The following FRAS1 variants were observed in gnomAD, a reference collection of about 807,000 sequenced individuals.
FRAS1 encodes the protein extracellular matrix organizing protein FRAS1.
Under a neutral mutation model 435.2 loss-of-function variants are expected in FRAS1, and 290 were observed. That is an observed-to-expected ratio of 0.67 (90% CI 0.61 to 0.73). FRAS1 has a LOEUF of 0.73. Among genes scored for constraint, FRAS1 ranks in the 30% least tolerant of loss-of-function variants. The probability of loss-of-function intolerance (pLI) is 0.00; values close to 1 mark genes in which losing one functional copy is unlikely to be tolerated. For synonymous variants in FRAS1, 1,800 were observed against 1,851.0 expected, an observed-to-expected ratio of 0.97 and a Z score of 0.71; for missense variants, 4,860 against 5,001.5, an observed-to-expected ratio of 0.97 and a Z score of 0.85.
intron 20 of FRAS1, among the ~76,000 whole-genome samples, chr4:78,338,286 T>C (rs1730258081): frequency 6.6e-6 from 1 of 151,276 alleles, no homozygotes; most frequent in Non-Finnish European, 1.5e-5. Context: ...TTTTTCTTCC[T>C]CATTTTAGAA....
rs1366188369 is a variant in FRAS1 at position 78,511,297 on chromosome 4, C to T, written c.9804C>T (p.Ser3268=). ...AGGTCCTGGACAGCATTTACTTCAG[C>T]CGGAGGTTCCATGTGCGTTGTGTGG... The part of the protein sequence containing the change: ...NHMVLDSIYF[S]RRFHVRCVAK... Residue 3268 remains serine (S), a synonymous_variant, in exon 64 of 74, where the codon AGC becomes AGT. Coordinates refer to ENST00000512123, the MANE Select transcript of FRAS1 (RefSeq NM_025074.7). 1.2e-6 allele frequency: 2 copies of T among 1,602,728 alleles called. No homozygotes were observed. Among genetic ancestry groups the T allele is most frequent in the South Asian group, 2.2e-5 (2 of 90,382 alleles).
chr4:78,308,481 C>T (rs1728883153), intron 15 of FRAS1, among the ~76,000 whole-genome samples: 1 of 152,210 alleles, frequency 6.6e-6, no homozygotes, highest in Non-Finnish European at 1.5e-5. Flanking sequence ...CTGCTCAAGA[C>T]CCACAGCTGG....
At chr4:78,287,299 C>T (rs1231972193) in intron 14 of FRAS1, among the ~76,000 whole-genome samples, 1 of 152,102 alleles carries the variant, frequency 6.6e-6, no homozygotes, top group South Asian at 2.1e-4. Context: ...TCCCTCGACA[C>T]GTGGGGATTA....
At chr4:78,319,331 C>T (rs1560652164) in intron 18 of FRAS1, 3 of 467,268 alleles carry the variant, frequency 6.4e-6, no homozygotes, top group African/African-American at 4.0e-5. Flanking sequence ...TTCTAATTTG[C>T]TACTCTGAAT....
rs370206167 is a variant in FRAS1 at position 78,387,724 on chromosome 4, C to T, written c.3975+23C>T. On this transcript the variant is annotated intron_variant, in intron 29 of 73. Transcript: ENST00000512123. ...CAGGTAGGTGTCATTCCTAGAGTTACAGTTTCTTTGCACCTAGATGTGAAC... is the reference window on the plus strand; with the variant it reads ...CAGGTAGGTGTCATTCCTAGAGTTATAGTTTCTTTGCACCTAGATGTGAAC... The T allele has an allele frequency of 3.9e-5, 57 of 1,450,086 alleles. No individual in the cohort carries two copies. The African/African-American group carries it at 7.2e-4, about 18-fold the overall frequency. The allele number at this position is 1,450,086 out of a possible 1,614,324, so 89.8% of individuals were successfully genotyped here. A position where few individuals can be genotyped will look rare whatever the true frequency, so the allele number is the denominator to read the frequency against.
chr4:78,178,951 A>C (rs1044104942), intron 2 of FRAS1, among the ~76,000 whole-genome samples: 9 of 152,162 alleles, frequency 5.9e-5, no homozygotes, highest in Non-Finnish European at 1.0e-4. Context: ...GCTGATGCAC[A>C]GATGTTCGAG....
intron 23 of FRAS1, among the ~76,000 whole-genome samples, chr4:78,370,246 C>T (rs2110305054): frequency 6.6e-6 from 1 of 152,228 alleles, no homozygotes; most frequent in Admixed American, 6.5e-5. Context: ...AATTGTAAAT[C>T]CTCAGGTTAT....
intron 2 of FRAS1, among the ~76,000 whole-genome samples, chr4:78,120,509 A>G (rs2109962645): frequency 6.6e-6 from 1 of 152,288 alleles, no homozygotes; most frequent in South Asian, 2.1e-4. Context: ...AAGAAGTTGT[A>G]AGGAGGAGAA....
At chr4:78,515,323 C>CTTTTTTTTTTT (rs78491600) in intron 65 of FRAS1, among the ~76,000 whole-genome samples, 1 of 136,356 alleles carries the variant, frequency 7.3e-6, no homozygotes, top group African/African-American at 2.7e-5. Flanking sequence ...GGTATGCTGG[C>CTTTTTTTTTTT]TTTTTTTTTT....
chr4:78,341,552 T>A (rs1437017108), intron 20 of FRAS1, among the ~76,000 whole-genome samples: 1 of 152,172 alleles, frequency 6.6e-6, no homozygotes, highest in African/African-American at 2.4e-5. Flanking sequence ...GTATTAATAG[T>A]ATGTTAGGTT....
At chr4:78,534,841 T>C (rs1721831796) in intron 71 of FRAS1, among the ~76,000 whole-genome samples, 2 of 152,218 alleles carry the variant, frequency 1.3e-5, no homozygotes. Flanking sequence ...GGCAGTGTGA[T>C]GCCATGGGAA....
At chr4:78,364,367 A>G (rs550210944) in intron 22 of FRAS1, among the ~76,000 whole-genome samples, 24 of 152,110 alleles carry the variant, frequency 1.6e-4, no homozygotes, top group Admixed American at 2.0e-4. Context: ...AGTTTGTTTC[A>G]TCTTTATAGT....
chr4:78,380,500 C>T (rs568594390), intron 27 of FRAS1, among the ~76,000 whole-genome samples: 128 of 152,270 alleles, frequency 8.4e-4, no homozygotes, highest in Non-Finnish European at 1.6e-3. Flanking sequence ...CCAGTTTTCC[C>T]CTGATGCTTA....
At chr4:78,304,007 C>A (rs1251708148) in intron 14 of FRAS1, among the ~76,000 whole-genome samples, 54 of 151,568 alleles carry the variant, frequency 3.6e-4, no homozygotes, top group African/African-American at 1.3e-3. Context: ...ATAGATAGCT[C>A]TTATTATTTT....
At chr4:78,495,952 A>T (rs995583340) in intron 59 of FRAS1, among the ~76,000 whole-genome samples, 2 of 152,228 alleles carry the variant, frequency 1.3e-5, no homozygotes, top group Non-Finnish European at 2.9e-5. Flanking sequence ...TCACATATAA[A>T]TATTCACAGG....
intron 2 of FRAS1, among the ~76,000 whole-genome samples, chr4:78,105,366 C>T (rs1742349524): frequency 6.6e-6 from 1 of 152,140 alleles, no homozygotes; most frequent in Non-Finnish European, 1.5e-5. Context: ...AGAAATTTGG[C>T]TATTCAAAGC....
At chr4:78,188,330 C>CTATCTATA (rs1722376555) in intron 2 of FRAS1, among the ~76,000 whole-genome samples, 2 of 146,678 alleles carry the variant, frequency 1.4e-5, no homozygotes, top group African/African-American at 5.1e-5. Flanking sequence ...ATCTATCTAT[C>CTATCTATA]TATATTTAGG....
chr4:78,266,222 A>G (rs1160647936), intron 7 of FRAS1, among the ~76,000 whole-genome samples: 2 of 152,086 alleles, frequency 1.3e-5, no homozygotes, highest in Non-Finnish European at 2.9e-5. Flanking sequence ...TCCACCTGCC[A>G]CCCTTAACAT....
At chr4:78,103,751 C>T (rs1019263364) in intron 2 of FRAS1, among the ~76,000 whole-genome samples, 26 of 152,218 alleles carry the variant, frequency 1.7e-4, no homozygotes, top group Middle Eastern at 3.4e-3. Flanking sequence ...GAAAGTGGGC[C>T]GTCACTAGAC....
Sources: gnomAD v4.1 joint callset for allele counts (sites outside exome capture counted in the v4.1 genomes callset) on GRCh38, gnomAD v4.1.1 for gene constraint, MANE v1.5 for transcripts, NCBI Gene and HGNC (gene_info 2026-07-23, HGNC 2026-07-21) for gene names.